Variants in NF1 observed in about 807,000 individuals in gnomAD.
NF1 encodes the protein neurofibromin 1.
NF1 carries 122 observed loss-of-function variants against 325.7 expected under a neutral mutation model. The observed-to-expected ratio is 0.37, with a 90% CI of 0.32 to 0.44. The LOEUF is 0.44. Ranked by LOEUF, NF1 falls within the 20% of genes least tolerant of loss-of-function variation. The pLI is 1.00. For synonymous variants in NF1, 1,091 were observed against 1,186.0 expected (o/e 0.92, Z 1.65); for missense variants, 2,140 against 3,415.4 (o/e 0.63, Z 9.31).
intron 2 of NF1, 42 bp from the exon 3 acceptor site, chr17:31,158,968 A>G: frequency 8.2e-7 from 1 of 1,222,406 alleles, no homozygotes; most frequent in Non-Finnish European, 1.2e-6. Context: ...TGGTAGCAGA[A>G]AGTGAAACTA....
intron 8 of NF1, among the ~76,000 whole-genome samples, chr17:31,184,347 A>G (rs1442731041): frequency 6.6e-6 from 1 of 152,158 alleles, no homozygotes; most frequent in Non-Finnish European, 1.5e-5. Flanking sequence ...TCAGTGGACA[A>G]AGTGGTGAAA....
chr17:31,288,716 A>G (rs891973577), intron 36 of NF1, among the ~76,000 whole-genome samples: 1 of 151,970 alleles, frequency 6.6e-6, no homozygotes, highest in Non-Finnish European at 1.5e-5. Context: ...TTTAGTAGCG[A>G]TAGGGTTTCA....
At chr17:31,356,816 C>T (rs1005394868) in intron 52 of NF1, 144 bp from the exon 53 acceptor site, 17 of 1,311,076 alleles carry the variant, frequency 1.3e-5, no homozygotes, top group African/African-American at 7.4e-5. Flanking sequence ...TTTGTGTAGG[C>T]GAATAGTAAT....
At chr17:31,229,702 C>A in intron 21 of NF1, 133 bp from the exon 22 acceptor site, 1 of 1,167,270 alleles carries the variant, frequency 8.6e-7, no homozygotes, top group Non-Finnish European at 1.3e-6. Context: ...CTGCGTATAT[C>A]TGTATGCTTA....
At chr17:31,116,392 C>T (rs1038106729) in intron 1 of NF1, among the ~76,000 whole-genome samples, 1 of 151,856 alleles carries the variant, frequency 6.6e-6, no homozygotes, top group Non-Finnish European at 1.5e-5. Flanking sequence ...AAAAATTGTG[C>T]GTGGTGGTGT....
At chr17:31,339,692 G>A (rs1369781649) in intron 46 of NF1, among the ~76,000 whole-genome samples, 1 of 152,130 alleles carries the variant, frequency 6.6e-6, no homozygotes, top group African/African-American at 2.4e-5. Flanking sequence ...ATTCTAATGT[G>A]ATACTATTTG....
chr17:31,321,482 A>G (rs2069191060), intron 36 of NF1: 1 of 152,222 alleles, frequency 6.6e-6, no homozygotes, highest in Non-Finnish European at 1.5e-5. Flanking sequence ...AAAGCCGTAT[A>G]TATATGACCT....
intron 15 of NF1, 119 bp downstream of exon 15, chr17:31,222,048 G>A: frequency 7.8e-7 from 1 of 1,279,994 alleles, no homozygotes; most frequent in Non-Finnish European, 1.0e-6. Context: ...AAGGTTTTAT[G>A]GTTTTGTATT....
At position 31,227,517 on chromosome 17, in the gene NF1, T is replaced by G. The variant is rs1597713670; in HGVS notation, c.2326-6T>G. On this transcript the variant is annotated splice_polypyrimidine_tract_variant and splice_region_variant and intron_variant, in intron 19 of 57. Coordinates refer to ENST00000358273, the MANE Select transcript of NF1 (RefSeq NM_001042492.3). ...TGCTTTCAAGTGATAATTGCCTTCA[T>G]TTTAGGCTTGGGAAGATACACATGC... is the stretch of plus-strand genomic sequence containing the variant. 1 of 1,613,686 alleles carries G rather than the reference T, an allele frequency of 6.2e-7. No homozygotes were observed. Among genetic ancestry groups the G allele is most frequent in the Non-Finnish European group, 8.5e-7 (1 of 1,179,708 alleles).
Position 31,326,267 on chromosome 17 carries a change from G to A in NF1, c.5268+15G>A, listed in dbSNP as rs1364346008. On this transcript the variant is annotated intron_variant, in intron 37 of 57. Coordinates refer to ENST00000358273, the MANE Select transcript of NF1 (RefSeq NM_001042492.3). ...TTTCTATTAAAGTAAGTTCCAGTCT[G>A]TGTTTTGTAAACGATTCATTGCTTT... is the stretch of plus-strand genomic sequence containing the variant. The A allele has an allele frequency of 1.2e-6, 2 of 1,603,246 alleles. No individual in the cohort carries two copies. Among genetic ancestry groups the A allele is most frequent in the East Asian group, 2.2e-5 (1 of 44,876 alleles).
chr17:31,158,429 A>G (rs17881070), intron 2 of NF1, among the ~76,000 whole-genome samples: 169 of 152,308 alleles, frequency 1.1e-3, no homozygotes, highest in African/African-American at 3.8e-3. Context: ...ATTTGCACAT[A>G]TGAATATGTG....
intron 40 of NF1, 135 bp downstream of exon 40, chr17:31,335,166 T>C (rs1259489960): frequency 2.8e-6 from 2 of 704,804 alleles, no homozygotes; most frequent in Non-Finnish European, 4.7e-6. Flanking sequence ...TCAGAAAGCA[T>C]GTAGACACTC....
At chr17:31,253,896 T>G (rs916459155) in intron 31 of NF1, 3 of 152,166 alleles carry the variant, frequency 2.0e-5, no homozygotes, top group Admixed American at 6.6e-5. Context: ...TAGGTAGTTT[T>G]CTTAAAAGGG....
intron 52 of NF1, 54 bp downstream of exon 52, chr17:31,356,636 G>T (rs976790374): frequency 3.1e-6 from 5 of 1,606,062 alleles, no homozygotes; most frequent in Non-Finnish European, 4.3e-6. Flanking sequence ...GAGAGTACAT[G>T]AAAGTCATGT....
chr17:31,227,498 C>T (rs745640053), intron 19 of NF1, 25 bp from the exon 20 acceptor site: 1 of 1,611,968 alleles, frequency 6.2e-7, no homozygotes, highest in African/African-American at 1.3e-5. Context: ...AAGTTGCTTT[C>T]AAGTGATAAT....
chr17:31,156,049 C>T lies in NF1; in HGVS notation c.127C>T (p.Leu43=), dbSNP rs1060503913. 1 of 1,613,132 alleles carries T rather than the reference C, an allele frequency of 6.2e-7. No individual in the cohort carries two copies. The highest frequency in any genetic ancestry group is 8.5e-7 in the Non-Finnish European group (1 of 1,179,654). The change falls in exon 2 of 58, where the codon CTA becomes TTA. Residue 43 remains leucine (L), a synonymous_variant. Transcript: ENST00000358273. ...CAGTACTGAGCACAACAAGGAATGTCTAATCAATATTTCCAAATACAAGTT... is the reference window on the plus strand; with the variant it reads ...CAGTACTGAGCACAACAAGGAATGTTTAATCAATATTTCCAAATACAAGTT... ...KVSTEHNKEC[L]INISKYKFSL...
At chr17:31,219,368 G>T (rs1415860068) in intron 14 of NF1, 1 of 210,586 alleles carries the variant, frequency 4.7e-6, no homozygotes, top group Non-Finnish European at 9.3e-6. Flanking sequence ...TCTAATTGCA[G>T]TTGACTTTAA....
rs750100751 is a variant in NF1 at position 31,248,972 on chromosome 17, A to G, written c.3975-12A>G. The G allele has an allele frequency of 2.0e-5, 32 of 1,613,068 alleles. No homozygotes were observed. In the East Asian group the frequency reaches 6.5e-4, roughly 33 times the overall value. ...ACAAAAGTGTTAGGATTTTATTTTT[A>G]TTTTTTTGTAGGTTAGAACCATCAG... On this transcript the variant is annotated splice_polypyrimidine_tract_variant and intron_variant, in intron 29 of 57. Transcript: ENST00000358273.
intron 36 of NF1, chr17:31,304,046 C>T (rs984609667): frequency 4.5e-6 from 2 of 440,382 alleles, no homozygotes; most frequent in African/African-American, 4.0e-5. Context: ...ATGTACTATA[C>T]TTTAAAGATA....
Sources: allele counts gnomAD v4.1 joint callset (sites outside exome capture counted in the v4.1 genomes callset), GRCh38; gene constraint gnomAD v4.1.1; transcripts MANE v1.5; gene names NCBI Gene and HGNC (gene_info 2026-07-23, HGNC 2026-07-21).